The following XIRP2 variants were observed in gnomAD, a reference collection of about 807,000 sequenced individuals.
XIRP2 encodes the protein xin actin binding repeat containing 2.
In XIRP2, 236 loss-of-function variants were observed where a neutral mutation model predicts 277.0. The ratio of observed to expected loss-of-function variants is 0.85; its 90% CI spans 0.77 to 0.95. The LOEUF (loss-of-function observed/expected upper bound fraction) is 0.95. Among genes scored for constraint, XIRP2 ranks in the 40% least tolerant of loss-of-function variants. The probability of loss-of-function intolerance (pLI) is 0.00; values close to 1 mark genes in which losing one functional copy is unlikely to be tolerated. For missense variants in XIRP2, 4,640 were observed against 4,157.5 expected, an observed-to-expected ratio of 1.12 and a Z score of -3.19; for synonymous variants, 1,490 against 1,416.5, an observed-to-expected ratio of 1.05 and a Z score of -1.17.
intron 3 of XIRP2, among the ~76,000 whole-genome samples, chr2:167,164,543 TGAG>T (rs1363169656): frequency 6.6e-6 from 1 of 152,096 alleles, no homozygotes; most frequent in African/African-American, 2.4e-5. Context: ...ATGATCAATT[TGAG>T]GAGAATTGAC....
chr2:166,946,943 A>G (rs1685887095), intron 2 of XIRP2, among the ~76,000 whole-genome samples: 1 of 152,186 alleles, frequency 6.6e-6, no homozygotes, highest in South Asian at 2.1e-4. Flanking sequence ...TCAATTATCT[A>G]AAACTTACAG....
At chr2:167,110,755 C>T (rs1049581656) in intron 2 of XIRP2, among the ~76,000 whole-genome samples, 3 of 152,116 alleles carry the variant, frequency 2.0e-5, no homozygotes, top group African/African-American at 7.2e-5. Flanking sequence ...CTGTACATTG[C>T]TTTGGGCAGT....
chr2:167,089,040 G>A (rs1690062860), intron 2 of XIRP2, among the ~76,000 whole-genome samples: 1 of 152,068 alleles, frequency 6.6e-6, no homozygotes, highest in African/African-American at 2.4e-5. Context: ...TTAATGACCT[G>A]ATAATAGTGG....
chr2:167,202,592 G>A (rs1276265532), intron 3 of XIRP2, among the ~76,000 whole-genome samples: 2 of 152,134 alleles, frequency 1.3e-5, no homozygotes, highest in Non-Finnish European at 2.9e-5. Context: ...ATCACATAGT[G>A]GTTTGTGTAT....
At chr2:166,980,419 T>C (rs1328427409) in intron 2 of XIRP2, among the ~76,000 whole-genome samples, 1 of 150,244 alleles carries the variant, frequency 6.7e-6, no homozygotes, top group African/African-American at 2.4e-5. Flanking sequence ...TAATATAGTA[T>C]TTTTTTTTGT....
intron 2 of XIRP2, among the ~76,000 whole-genome samples, chr2:167,086,042 G>C (rs1689931688): frequency 6.6e-6 from 1 of 151,892 alleles, no homozygotes; most frequent in Non-Finnish European, 1.5e-5. Flanking sequence ...TAGTCTCGAT[G>C]GTCTTTACAT....
intron 3 of XIRP2, among the ~76,000 whole-genome samples, chr2:167,155,932 A>T (rs1361399113): frequency 2.7e-5 from 4 of 150,160 alleles, no homozygotes; most frequent in Non-Finnish European, 5.9e-5. Context: ...AAAAAATCAC[A>T]AGCATTCTTA....
chr2:167,004,648 T>C (rs996194091), intron 2 of XIRP2, among the ~76,000 whole-genome samples: 2 of 151,852 alleles, frequency 1.3e-5, no homozygotes, highest in Admixed American at 6.6e-5. Flanking sequence ...CCGGAAGCTA[T>C]TTCAAGTACA....
intron 2 of XIRP2, among the ~76,000 whole-genome samples, chr2:166,930,043 T>C (rs1406589673): frequency 6.6e-6 from 1 of 152,176 alleles, no homozygotes; most frequent in African/African-American, 2.4e-5. Flanking sequence ...CTGGGTTGTC[T>C]GTCAGCTCCA....
At chr2:166,967,605 AAGAGGAC>A (rs1039274370) in intron 2 of XIRP2, among the ~76,000 whole-genome samples, 2 of 151,912 alleles carry the variant, frequency 1.3e-5, no homozygotes, top group African/African-American at 4.8e-5. Flanking sequence ...AATCTATGCA[AAGAGGAC>A]AGAGGTCTTA....
chr2:167,147,170 G>T (rs1691885892), intron 3 of XIRP2, among the ~76,000 whole-genome samples: 1 of 152,260 alleles, frequency 6.6e-6, no homozygotes, highest in Non-Finnish European at 1.5e-5. Context: ...AGATAGAAGA[G>T]AAAATATTGG....
Position 166,892,826 on chromosome 2 carries a change from T to TAA in XIRP2, c.-19+4270_-19+4271dup, listed in dbSNP as rs564715192. Among the ~76,000 whole-genome samples the TAA allele has an allele frequency of 4.9e-3, 722 of 148,650 alleles. 5 individuals carry two copies. Among genetic ancestry groups the TAA allele is most frequent in the African/African-American group, 0.017 (680 of 40,762 alleles). ...CATAGAAGATATATATATATATATA[T>TAA]AACTTCTATGATATGTTATAATATA... is the stretch of plus-strand genomic sequence containing the variant. On this transcript the variant is annotated intron_variant, in intron 1 of 10. Transcript: ENST00000409195.
intron 2 of XIRP2, among the ~76,000 whole-genome samples, chr2:167,035,343 A>G (rs923618800): frequency 2.0e-5 from 3 of 152,212 alleles, no homozygotes; most frequent in Non-Finnish European, 4.4e-5. Context: ...CCTTTGTTGA[A>G]AATGCTGATA....
At position 167,258,251 on chromosome 2, in the gene XIRP2, AC is replaced by A; in HGVS notation, c.*437del. ...ACCTAAGTGGCCACCTGAAATGACA[AC>A]CCTGCTATCCCCTGAATTTAAAAGT... On this transcript the variant is annotated 3_prime_UTR_variant, in exon 11 of 11. Coordinates refer to ENST00000409195, the MANE Select transcript of XIRP2 (RefSeq NM_152381.6). 6.2e-7 allele frequency: 1 copy of A among 1,613,250 alleles called. No individual in the cohort carries two copies. The highest frequency in any genetic ancestry group is 1.1e-5 in the South Asian group (1 of 91,044).
At chr2:167,197,596 A>G (rs1559016662) in intron 3 of XIRP2, among the ~76,000 whole-genome samples, 1 of 152,046 alleles carries the variant, frequency 6.6e-6, no homozygotes. Context: ...GGGAACATAC[A>G]AGCATATTAT....
chr2:167,144,249 GCT>G (rs1234896312), intron 3 of XIRP2, among the ~76,000 whole-genome samples: 1 of 151,664 alleles, frequency 6.6e-6, no homozygotes, highest in Non-Finnish European at 1.5e-5. Flanking sequence ...TCTATTTTTG[GCT>G]CTTTTTCTAC....
In XIRP2 at chr2:167,197,863, C is replaced by T. The variant is rs572122098; in HGVS notation, c.563-12872C>T. On this transcript the variant is annotated intron_variant, in intron 3 of 10. Coordinates refer to ENST00000409195, the MANE Select transcript of XIRP2 (RefSeq NM_152381.6). ...GATTTCTGTTTGCAAGTGTTAAATT[C>T]TTTGTTGTTAAATTCATCACTGATG... Among the ~76,000 whole-genome samples the T allele has an allele frequency of 2.0e-5, 3 of 152,196 alleles. No individual in the cohort carries two copies. In the East Asian group the frequency reaches 5.8e-4, roughly 29 times the overall value.
At chr2:167,007,638 A>G (rs1190312994) in intron 2 of XIRP2, among the ~76,000 whole-genome samples, 1 of 150,818 alleles carries the variant, frequency 6.6e-6, no homozygotes, top group East Asian at 2.0e-4. Flanking sequence ...AACAAAATCT[A>G]TTATAAATTT....
intron 2 of XIRP2, among the ~76,000 whole-genome samples, chr2:167,090,557 C>T (rs1460936807): frequency 1.3e-5 from 2 of 151,948 alleles, no homozygotes; most frequent in Non-Finnish European, 2.9e-5. Context: ...TTTTGTGTTT[C>T]TATGAAAGAA....
Sources: gnomAD v4.1 joint callset for allele counts (sites outside exome capture counted in the v4.1 genomes callset) on GRCh38, gnomAD v4.1.1 for gene constraint, MANE v1.5 for transcripts, NCBI Gene and HGNC (gene_info 2026-07-23, HGNC 2026-07-21) for gene names.